Variants in SVEP1 observed in about 807,000 individuals in gnomAD.
SVEP1 encodes the protein sushi, von Willebrand factor type A, EGF and pentraxin domain-containing protein 1.
A neutral mutation model predicts 367.3 loss-of-function variants in SVEP1; 164 were observed. The observed-to-expected ratio is 0.45, with a 90% confidence interval of 0.39 to 0.51. The LOEUF (loss-of-function observed/expected upper bound fraction) is 0.51. Ranked by LOEUF, SVEP1 falls within the 20% of genes least tolerant of loss-of-function variation. The pLI is 0.00. For missense variants in SVEP1, 4,117 were observed against 4,425.3 expected, an observed-to-expected ratio of 0.93 and a Z score of 1.98; for synonymous variants, 1,666 against 1,611.6, an observed-to-expected ratio of 1.03 and a Z score of -0.81.
chr9:110,482,326 T>C (rs766221905), intron 11 of SVEP1, 35 bp downstream of exon 11: 15 of 1,598,760 alleles, frequency 9.4e-6, no homozygotes, highest in Non-Finnish European at 1.3e-5. Flanking sequence ...GTGTCAAATG[T>C]CAACTAGAAT....
At chr9:110,456,297 G>A (rs1224165238) in intron 21 of SVEP1, among the ~76,000 whole-genome samples, 1 of 152,146 alleles carries the variant, frequency 6.6e-6, no homozygotes, top group Non-Finnish European at 1.5e-5. Context: ...CCAGCAATCT[G>A]TGTTTTTAAC....
rs189130065 is a variant in SVEP1 at position 110,531,658 on chromosome 9, T to A, written c.964+14457A>T. Among the ~76,000 whole-genome samples the A allele has an allele frequency of 2.0e-5, 3 of 152,306 alleles. No individual in the cohort carries two copies. The East Asian group carries it at 5.8e-4, about 29-fold the overall frequency. Reference sequence around the variant, plus strand: ...TGTAAATTACCCAGTCTCAGGTATATCATCATTAGAAGTGTGAGAACAGAC... The same window carrying A: ...TGTAAATTACCCAGTCTCAGGTATAACATCATTAGAAGTGTGAGAACAGAC... On this transcript the variant is annotated intron_variant, in intron 3 of 47. Transcript: ENST00000374469.
At position 110,404,475 on chromosome 9, in the gene SVEP1, C is replaced by G; in HGVS notation, c.9518G>C (p.Arg3173Thr). Residue 3173 changes from arginine (R) to threonine (T), a missense_variant, in exon 39 of 48, where the codon AGA (arginine) becomes ACA (threonine). Physicochemically the swap from Arg to Thr is moderately conservative, Grantham distance 71. Coordinates refer to ENST00000374469, the MANE Select transcript of SVEP1 (RefSeq NM_153366.4). Reference sequence around the variant, plus strand: ...ACATTTTTTAGGACTGCAGGAGATTCTCTCAGGGAACCAGCGACCATCTTT... The same window carrying G: ...ACATTTTTTAGGACTGCAGGAGATTGTCTCAGGGAACCAGCGACCATCTTT... Reference protein sequence around the residue: ...CQKDGRWFPERISCSPKKCPL... With the variant: ...CQKDGRWFPETISCSPKKCPL... 3 of 1,613,984 alleles carry G rather than the reference C, an allele frequency of 1.9e-6. No homozygotes were observed. The highest frequency in any genetic ancestry group is 2.5e-6 in the Non-Finnish European group (3 of 1,179,888).
chr9:110,423,933 A>G (rs760620381), intron 36 of SVEP1, among the ~76,000 whole-genome samples: 19 of 152,258 alleles, frequency 1.2e-4, no homozygotes, highest in Admixed American at 2.0e-4. Context: ...ATTTCTGGGA[A>G]GAAACAATGG....
chr9:110,539,648 ATATATG>A (rs1451004878), intron 3 of SVEP1, among the ~76,000 whole-genome samples: 1 of 151,184 alleles, frequency 6.6e-6, no homozygotes, highest in Non-Finnish European at 1.5e-5. Context: ...TGTGTTACAT[ATATATG>A]TATAATATAT....
At position 110,407,467 on chromosome 9, in the gene SVEP1, G is replaced by C; in HGVS notation, c.8133C>G (p.Ser2711=). 6.2e-7 allele frequency: 1 copy of C among 1,613,998 alleles called. No homozygotes were observed. Among genetic ancestry groups the C allele is most frequent in the Non-Finnish European group, 8.5e-7 (1 of 1,179,898 alleles). ...EDGTWNGSAP[S]CISIECDLPT... ...GCAAGTCACATTCAATTGAAATGCA[G>C]GATGGTGCACTGCCATTCCAAGTTC... Residue 2711 remains serine, a synonymous_variant, in exon 38 of 48, where the codon TCC becomes TCG. Transcript: ENST00000374469.
At chr9:110,503,826 T>C (rs1428049580) in intron 5 of SVEP1, among the ~76,000 whole-genome samples, 2 of 152,152 alleles carry the variant, frequency 1.3e-5, no homozygotes, top group Non-Finnish European at 2.9e-5. Context: ...TCTTGACTTA[T>C]GCATTAACAT....
rs763511158 is a variant in SVEP1 at position 110,407,719 on chromosome 9, G to A, written c.7881C>T (p.Leu2627=). Residue 2627 remains leucine, a synonymous_variant, in exon 38 of 48, where the codon CTC becomes CTT. Coordinates refer to ENST00000374469, the MANE Select transcript of SVEP1 (RefSeq NM_153366.4). The stretch of plus-strand genomic sequence containing the variant: ...GCTCAAAATATCCCTGGTCATCTTT[G>A]AGTTTAGTACAGTCTCCAAAATCTA... The part of the protein sequence containing the change: ...PHIDFGDCTK[L]KDDQGYFEQE... 8.7e-6 allele frequency: 14 copies of A among 1,613,950 alleles called. No individual in the cohort carries two copies. Among genetic ancestry groups the A allele is most frequent in the Non-Finnish European group, 1.2e-5 (14 of 1,179,882 alleles).
chr9:110,418,967 G>A (rs1157993275), intron 36 of SVEP1, among the ~76,000 whole-genome samples: 10 of 54,272 alleles, frequency 1.8e-4, no homozygotes, highest in South Asian at 7.7e-4. Flanking sequence ...TGAAGGAAGC[G>A]CTAAACATGG....
At chr9:110,385,171 G>A (rs1344038663) in intron 43 of SVEP1, among the ~76,000 whole-genome samples, 1 of 152,110 alleles carries the variant, frequency 6.6e-6, no homozygotes. Flanking sequence ...AGTAGAGACA[G>A]GGTTTTGCCA....
intron 40 of SVEP1, among the ~76,000 whole-genome samples, chr9:110,390,190 C>T (rs1209251041): frequency 1.0e-5 from 1 of 98,698 alleles, no homozygotes; most frequent in African/African-American, 4.1e-5. Flanking sequence ...TATATATACA[C>T]TTATATAAGT....
intron 5 of SVEP1, among the ~76,000 whole-genome samples, chr9:110,505,513 G>A (rs1829610972): frequency 6.6e-6 from 1 of 152,064 alleles, no homozygotes; most frequent in Admixed American, 6.5e-5. Flanking sequence ...TCACTTGATT[G>A]CCCTAATAAA....
intron 10 of SVEP1, among the ~76,000 whole-genome samples, chr9:110,483,329 C>T (rs1829226097): frequency 6.6e-6 from 1 of 152,090 alleles, no homozygotes; most frequent in South Asian, 2.1e-4. Flanking sequence ...TTCATTAGCA[C>T]CCTGCTAGGT....
At position 110,579,317 on chromosome 9, in the gene SVEP1, C is replaced by G; in HGVS notation, c.227G>C (p.Arg76Pro). Residue 76 changes from arginine to proline, a missense_variant, in exon 1 of 48, where the codon CGG (arginine) becomes CCG (proline). By Grantham distance (103) the Arg-to-Pro change is moderately radical. Around this residue, in one of 4 missense-constraint regions of SVEP1, gnomAD observed 161 missense variants for 122.4 expected, o/e 1.32. Coordinates refer to ENST00000374469, the MANE Select transcript of SVEP1 (RefSeq NM_153366.4). This position sits in a 1 kb window ranked among gnomAD's most constrained non-coding sequence, Gnocchi z 5.3. ...AAGCTCCAGGCGCTCGCTGAGCTCCCGCAGCAGCCGCACGCGTCGCCGGAA... is the reference window on the plus strand; with the variant it reads ...AAGCTCCAGGCGCTCGCTGAGCTCCGGCAGCAGCCGCACGCGTCGCCGGAA... ...QAFRRRVRLL[R>P]ELSERLELVF... 1.3e-6 allele frequency: 2 copies of G among 1,561,420 alleles called. No homozygotes were observed. The highest frequency in any genetic ancestry group is 1.7e-6 in the Non-Finnish European group (2 of 1,154,726).
At chr9:110,532,554 G>T (rs1456208029) in intron 3 of SVEP1, among the ~76,000 whole-genome samples, 1 of 152,154 alleles carries the variant, frequency 6.6e-6, no homozygotes, top group Non-Finnish European at 1.5e-5. Context: ...ATAAGATGCT[G>T]CAATGATCAT....
chr9:110,543,973 G>A (rs906467006), intron 3 of SVEP1, among the ~76,000 whole-genome samples: 3 of 152,092 alleles, frequency 2.0e-5, no homozygotes, highest in Non-Finnish European at 4.4e-5. Context: ...TGGGTGGGGT[G>A]GGAGCAGGGC....
chr9:110,411,003 A>G (rs1193760528), intron 37 of SVEP1, 60 bp downstream of exon 37: 1 of 1,430,296 alleles, frequency 7.0e-7, no homozygotes, highest in Non-Finnish European at 9.3e-7. Flanking sequence ...TGTTTTGTTT[A>G]TTTATTTATT....
rs140804080 is a variant in SVEP1, at chr9:110,492,748, T to C, written c.1801-2969A>G. Among the ~76,000 whole-genome samples the C allele has an allele frequency of 6.0e-3, 908 of 152,168 alleles. 8 individuals are homozygous for C. Among genetic ancestry groups the C allele is most frequent in the Non-Finnish European group, 6.7e-3 (457 of 68,008 alleles). On this transcript the variant is annotated intron_variant, in intron 8 of 47. Transcript: ENST00000374469. The stretch of plus-strand genomic sequence containing the variant: ...TGGCAGGGCTTCAGACAACCACTCA[T>C]AGAACATTGGCAGGGGGAAGGGGGT...
chr9:110,499,393 T>A (rs762014814), intron 6 of SVEP1, among the ~76,000 whole-genome samples, 155 bp from the exon 7 acceptor site: 1 of 152,250 alleles, frequency 6.6e-6, no homozygotes, highest in Admixed American at 6.5e-5. Context: ...TATAATATAT[T>A]GTAAATAATG....
Sources: gnomAD v4.1 joint callset for allele counts (sites outside exome capture counted in the v4.1 genomes callset) on GRCh38, gnomAD v4.1.1 for gene constraint, gnomAD v4.1.1 regional missense constraint, Gnocchi (gnomAD v3.1) non-coding constraint, MANE v1.5 for transcripts, NCBI Gene and HGNC (gene_info 2026-07-23, HGNC 2026-07-21) for gene names.